The following A2ML1 variants were observed in gnomAD, a reference collection of about 807,000 sequenced individuals.
A2ML1 encodes alpha-2-macroglobulin like 1.
A2ML1 carries 161 observed loss-of-function variants against 181.9 expected under a neutral mutation model. The ratio of observed to expected loss-of-function variants is 0.89; its 90% CI spans 0.78 to 1.01. The LOEUF (loss-of-function observed/expected upper bound fraction) is 1.01. Among genes scored for constraint, A2ML1 ranks in the 50% least tolerant of loss-of-function variants. The probability of loss-of-function intolerance (pLI) is 0.00; values close to 1 mark genes in which losing one functional copy is unlikely to be tolerated. For synonymous variants in A2ML1, 663 were observed against 666.8 expected, an observed-to-expected ratio of 0.99 and a Z score of 0.09; for missense variants, 1,670 against 1,768.1, an observed-to-expected ratio of 0.94 and a Z score of 1.00.
At chr12:8,835,401 C>T in intron 5 of A2ML1, 106 bp from the exon 6 acceptor site, 2 of 1,417,914 alleles carry the variant, frequency 1.4e-6, no homozygotes, top group Non-Finnish European at 2.0e-6. Context: ...GGGTCATGAA[C>T]AATGGGTGGG....
Position 8,823,833 on chromosome 12 carries a change from C to CG in A2ML1, c.362dup (p.Thr122HisfsTer6), listed in dbSNP as rs1490829353. On this transcript the variant is annotated frameshift_variant, in exon 3 of 36. Coordinates refer to ENST00000299698, the MANE Select transcript of A2ML1 (RefSeq NM_144670.6). LOFTEE classifies it high-confidence loss of function. Reference sequence around the variant, plus strand: ...AGGTTCTAATTCAGAGGCAGGGGAACGGCACCTTTGTACAGACTGACAAAC... The same window carrying CG: ...AGGTTCTAATTCAGAGGCAGGGGAACGGGCACCTTTGTACAGACTGACAAAC... 1 of 1,613,920 alleles carries CG rather than the reference C, an allele frequency of 6.2e-7. No individual in the cohort carries two copies. Among genetic ancestry groups the CG allele is most frequent in the Non-Finnish European group, 8.5e-7 (1 of 1,180,006 alleles).
chr12:8,883,975 A>T (rs751314848), intron 7 of A2ML1, among the ~76,000 whole-genome samples: 1,530 of 151,628 alleles, frequency 0.01, 31 homozygotes, highest in African/African-American at 0.035. Context: ...TAGTAGAGGC[A>T]GGGTTTCGCC....
chr12:8,882,936 G>T (rs1420951170), intron 7 of A2ML1, among the ~76,000 whole-genome samples: 1 of 151,948 alleles, frequency 6.6e-6, no homozygotes, highest in Non-Finnish European at 1.5e-5. Context: ...CCCCCTCCCC[G>T]CCAGCTCCAT....
downstream of A2ML1, among the ~76,000 whole-genome samples, chr12:8,878,635 C>G (rs1448814074): frequency 4.6e-5 from 7 of 152,132 alleles, no homozygotes; most frequent in African/African-American, 1.4e-4. This position sits in a 1 kb window ranked among gnomAD's most constrained non-coding sequence, Gnocchi z 4.4. Context: ...ATATTTACCC[C>G]CTGAATCTAA....
At position 8,851,877 on chromosome 12, in the gene A2ML1, CG is replaced by C; in HGVS notation, c.2331del (p.Leu778PhefsTer7). 1 of 1,614,216 alleles carries C rather than the reference CG, an allele frequency of 6.2e-7. No homozygotes were observed. Among genetic ancestry groups the C allele is most frequent in the South Asian group, 1.1e-5 (1 of 91,088 alleles). ...SFCTSQSRGF[G>X]LSPTVGLTAF... ...TCTGCACTTCCCAGTCAAGAGGCTT[CG>C]GGCTTTCACCCACTGTTGGACTAAC... On this transcript the variant is annotated frameshift_variant, in exon 19 of 36. Coordinates refer to ENST00000299698, the MANE Select transcript of A2ML1 (RefSeq NM_144670.6). LOFTEE classifies it high-confidence loss of function.
intron 33 of A2ML1, among the ~76,000 whole-genome samples, chr12:8,873,937 C>T (rs1278899761): frequency 1.3e-5 from 2 of 151,980 alleles, no homozygotes; most frequent in African/African-American, 4.8e-5. Flanking sequence ...AGGAAGTCAG[C>T]AGGAGGCAAT....
At chr12:8,823,945 G>A in intron 3 of A2ML1, 63 bp downstream of exon 3, 2 of 1,524,018 alleles carry the variant, frequency 1.3e-6, no homozygotes, top group South Asian at 2.6e-5. Flanking sequence ...CAGGGGTAAA[G>A]AGGGGATTTG....
intron 14 of A2ML1, 58 bp from the exon 15 acceptor site, chr12:8,847,491 T>C: frequency 4.6e-6 from 7 of 1,530,830 alleles, no homozygotes; most frequent in Non-Finnish European, 6.1e-6. Flanking sequence ...CAAATTATGT[T>C]GTTTCCCTTC....
Position 8,835,586 on chromosome 12 carries a change from C to T in A2ML1, c.563C>T (p.Ala188Val), listed in dbSNP as rs779076863. 7 of 1,614,210 alleles carry T rather than the reference C, an allele frequency of 4.3e-6. No homozygotes were observed. The highest frequency in any genetic ancestry group is 4.2e-6 in the Non-Finnish European group (5 of 1,180,036). Residue 188 changes from alanine (A) to valine (V), a missense_variant, in exon 6 of 36, where the codon GCA (alanine) becomes GTA (valine). Transcript: ENST00000299698. ...QGIVDLSFQL[A>V]PEAMLGTYTV... ...ATTGTAGACCTGTCCTTCCAACTGGCACCAGAGGCAATGCTGGGCACCTAC... is the reference window on the plus strand; with the variant it reads ...ATTGTAGACCTGTCCTTCCAACTGGTACCAGAGGCAATGCTGGGCACCTAC...
chr12:8,846,641 T>C (rs1322598748), intron 14 of A2ML1, among the ~76,000 whole-genome samples: 1 of 151,962 alleles, frequency 6.6e-6, no homozygotes, highest in Non-Finnish European at 1.5e-5. Context: ...TGAAACCGTG[T>C]CTCTACTAAA....
rs181569125 is a variant in A2ML1 at position 8,852,108 on chromosome 12, G to A, written c.2463+96G>A. 3 of 1,589,182 alleles carry A rather than the reference G, an allele frequency of 1.9e-6. No individual in the cohort carries two copies. The East Asian group carries it at 6.7e-5, about 36-fold the overall frequency. ...ATTGGAAGCATCCCAATTTTCCCTG[G>A]GAAAGAGAGGAGATGTCGGCGTCTC... On this transcript the variant is annotated intron_variant, in intron 19 of 35. Transcript: ENST00000299698. The surrounding 1 kb of genome is among the most constrained non-coding windows in gnomAD (Gnocchi z 4.2).
intron 3 of A2ML1, among the ~76,000 whole-genome samples, chr12:8,824,238 T>G (rs987269032): frequency 6.1e-5 from 9 of 148,486 alleles, no homozygotes; most frequent in African/African-American, 7.5e-5. Context: ...TTTTTTTTTT[T>G]TTTTTTTTTT....
chr12:8,881,437 T>C (rs1345867123), downstream of A2ML1, among the ~76,000 whole-genome samples: 1 of 152,252 alleles, frequency 6.6e-6, no homozygotes, highest in Admixed American at 6.5e-5. Context: ...AAGATTTGTT[T>C]ACGCAGATTC....
chr12:8,886,441 T>G (rs988566483), intron 7 of A2ML1: 1 of 152,200 alleles, frequency 6.6e-6, no homozygotes, highest in Non-Finnish European at 1.5e-5. Flanking sequence ...TCCTATTTAT[T>G]TTGTATTTGG....
chr12:8,843,841 C>T (rs1943575240), intron 12 of A2ML1, among the ~76,000 whole-genome samples: 1 of 151,740 alleles, frequency 6.6e-6, no homozygotes, highest in South Asian at 2.1e-4. Flanking sequence ...GTCTCAGCCT[C>T]CCAAGTAGCT....
In A2ML1 at chr12:8,846,183, C is replaced by T. The variant is rs765099866; in HGVS notation, c.1644C>T (p.Asp548=). ...TTCCCAGTGGAGGTGTTGTAGCTGA[C>T]AAAATTCAGTTCTCAGTCGAGATGT... ...AIFPSGGVVA[D]KIQFSVEMCF... The change falls in exon 14 of 36, where the codon GAC becomes GAT. Residue 548 remains aspartate, a synonymous_variant. Transcript: ENST00000299698. 2.5e-6 allele frequency: 4 copies of T among 1,614,074 alleles called. No homozygotes were observed. The highest frequency in any genetic ancestry group is 3.4e-6 in the Non-Finnish European group (4 of 1,180,010).
chr12:8,863,317 G>T (rs1218194924), intron 28 of A2ML1, among the ~76,000 whole-genome samples: 1 of 152,014 alleles, frequency 6.6e-6, no homozygotes, highest in Non-Finnish European at 1.5e-5. Flanking sequence ...TGTTGGTCAG[G>T]CTGGTCTCAA....
intron 25 of A2ML1, 102 bp from the exon 26 acceptor site, chr12:8,857,844 C>T (rs1437812842): frequency 4.0e-6 from 6 of 1,488,482 alleles, no homozygotes; most frequent in Non-Finnish European, 2.7e-6. Context: ...TATGTTCCCT[C>T]AGCTCCCCTT....
chr12:8,837,934 G>A (rs772409298), intron 8 of A2ML1, among the ~76,000 whole-genome samples: 2 of 146,666 alleles, frequency 1.4e-5, no homozygotes, highest in African/African-American at 5.0e-5. Flanking sequence ...GTCCTAAAGC[G>A]TAAGGAAGCA....
Sources: gnomAD v4.1 joint callset for allele counts (sites outside exome capture counted in the v4.1 genomes callset) on GRCh38, gnomAD v4.1.1 for gene constraint, Gnocchi (gnomAD v3.1) non-coding constraint, MANE v1.5 for transcripts, NCBI Gene and HGNC (gene_info 2026-07-23, HGNC 2026-07-21) for gene names.